The following VDAC2 variants were observed in gnomAD, a reference collection of about 807,000 sequenced individuals.
The protein encoded by VDAC2 is voltage dependent anion channel 2.
In VDAC2, 6 loss-of-function variants were observed where a neutral mutation model predicts 36.6. The ratio of observed to expected loss-of-function variants is 0.16; its 90% confidence interval spans 0.09 to 0.32. VDAC2 has a LOEUF of 0.32. VDAC2 is among the 10% of genes least tolerant of loss of function. VDAC2 has a pLI of 1.00. For missense variants in VDAC2, 247 were observed against 346.0 expected (o/e 0.71, Z 2.27); for synonymous variants, 109 against 123.8 (o/e 0.88, Z 0.79).
Position 75,220,740 on chromosome 10 carries a change from C to T in VDAC2, c.357-3C>T, listed in dbSNP as rs371599807. On this transcript the variant is annotated splice_region_variant and splice_polypyrimidine_tract_variant and intron_variant, in intron 6 of 9. Transcript: ENST00000332211. ...CAATGACATCAGTTTGTTCTTTTTC[C>T]AGAAAGAAAAGTGGTAAAATCAAGT... The T allele has an allele frequency of 8.1e-6, 13 of 1,604,298 alleles. No individual in the cohort carries two copies. The highest frequency in any genetic ancestry group is 1.1e-5 in the South Asian group (1 of 90,034).
At chr10:75,211,023 C>A in intron 1 of VDAC2, 85 bp downstream of exon 1, 1 of 1,063,880 alleles carries the variant, frequency 9.4e-7, no homozygotes, top group Non-Finnish European at 1.3e-6. Context: ...CGGAGTCGGC[C>A]CTGGCTTCCT....
chr10:75,214,130 G>A, intron 4 of VDAC2, 60 bp downstream of exon 4: 3 of 1,537,608 alleles, frequency 2.0e-6, no homozygotes, highest in Non-Finnish European at 2.7e-6. Flanking sequence ...CTTGTAAAAT[G>A]GTCATAACTG....
intron 4 of VDAC2, among the ~76,000 whole-genome samples, chr10:75,215,307 T>C (rs1841565260): frequency 6.6e-6 from 1 of 151,980 alleles, no homozygotes; most frequent in African/African-American, 2.4e-5. Context: ...TAGAATACTA[T>C]AGGTTATTTT....
intron 8 of VDAC2, among the ~76,000 whole-genome samples, chr10:75,227,577 A>ATTTTTTTTTTTTTTTTTTTTTTTTTTT (rs35378957): frequency 1.0e-5 from 1 of 99,928 alleles, no homozygotes; most frequent in African/African-American, 4.5e-5. Context: ...AATAATAGGA[A>ATTTTTTTTTTTTTTTTTTTTTTTTTTT]TTTTTTTTTT....
Position 75,213,167 on chromosome 10 carries a change from C to G in VDAC2, c.101-854C>G, listed in dbSNP as rs1212620221. 2.0e-5 allele frequency among the ~76,000 whole-genome samples: 3 copies of G among 152,220 alleles called. No homozygotes were observed. In the East Asian group the frequency reaches 5.8e-4, roughly 30 times the overall value. Reference sequence around the variant, plus strand: ...GATCTCGGCTCCCTGCAGCCTCTGCCTCCTGGGTTCCAGCAATTCTCCTGC... The same window carrying G: ...GATCTCGGCTCCCTGCAGCCTCTGCGTCCTGGGTTCCAGCAATTCTCCTGC... On this transcript the variant is annotated intron_variant, in intron 3 of 9. Transcript: ENST00000332211.
intron 3 of VDAC2, among the ~76,000 whole-genome samples, chr10:75,213,380 A>T (rs1025560509): frequency 6.6e-6 from 1 of 151,906 alleles, no homozygotes; most frequent in East Asian, 1.9e-4. Flanking sequence ...GCACCTGGCC[A>T]TATCATGATA....
chr10:75,211,134 A>T lies in VDAC2; in HGVS notation c.-25A>T, dbSNP rs770671590. 4.3e-6 allele frequency: 7 copies of T among 1,609,784 alleles called. No homozygotes were observed. The highest frequency in any genetic ancestry group is 5.9e-6 in the Non-Finnish European group (7 of 1,178,086). Reference sequence around the variant, plus strand: ...ACCGCACTTCTTGTCCCTCCCGCAGATTCCCCTCTTCCCGCGGCCTCGCCA... The same window carrying T: ...ACCGCACTTCTTGTCCCTCCCGCAGTTTCCCCTCTTCCCGCGGCCTCGCCA... On this transcript the variant is annotated splice_region_variant and 5_prime_UTR_variant, in exon 2 of 10. Coordinates refer to ENST00000332211, the MANE Select transcript of VDAC2 (RefSeq NM_001391963.1).
In VDAC2 at chr10:75,219,369, AT is replaced by A; in HGVS notation, c.356+18del. ...CACCAAACACAGGGTAAGCACAGACATTTTTATCTGTATTACATTTAAAAGT... is the reference window on the plus strand; with the variant it reads ...CACCAAACACAGGGTAAGCACAGACATTTTATCTGTATTACATTTAAAAGT... On this transcript the variant is annotated intron_variant, in intron 6 of 9. Coordinates refer to ENST00000332211, the MANE Select transcript of VDAC2 (RefSeq NM_001391963.1). 1 of 1,581,236 alleles carries A rather than the reference AT, an allele frequency of 6.3e-7. No individual in the cohort carries two copies. The highest frequency in any genetic ancestry group is 8.6e-7 in the Non-Finnish European group (1 of 1,159,478).
intron 4 of VDAC2, 81 bp downstream of exon 4, chr10:75,214,151 A>G: frequency 6.9e-7 from 1 of 1,439,934 alleles, no homozygotes; most frequent in Non-Finnish European, 9.7e-7. Context: ...AAAGATGTCT[A>G]CCTGTTTTGT....
chr10:75,215,603 C>T (rs983588387), intron 4 of VDAC2, among the ~76,000 whole-genome samples: 2 of 151,090 alleles, frequency 1.3e-5, no homozygotes, highest in African/African-American at 2.4e-5. Context: ...CTGCCCACCT[C>T]GGGCTCCCAA....
chr10:75,217,550 G>A (rs1313658129), intron 4 of VDAC2, among the ~76,000 whole-genome samples: 3 of 152,026 alleles, frequency 2.0e-5, no homozygotes, highest in Admixed American at 6.6e-5. Context: ...GCTAATTTTT[G>A]TATGTTTAGT....
At chr10:75,224,568 A>G (rs1841903075) in intron 8 of VDAC2, among the ~76,000 whole-genome samples, 1 of 152,218 alleles carries the variant, frequency 6.6e-6, no homozygotes, top group Non-Finnish European at 1.5e-5. Context: ...AGATAGATCC[A>G]ACTCCAAGGG....
At chr10:75,214,099 T>G in intron 4 of VDAC2, 29 bp downstream of exon 4, 1 of 1,606,978 alleles carries the variant, frequency 6.2e-7, no homozygotes, top group South Asian at 1.1e-5. Context: ...TAAGTTCTAT[T>G]GAACCTTTAT....
At chr10:75,228,863 T>G (rs1842031193) in intron 8 of VDAC2, among the ~76,000 whole-genome samples, 1 of 152,196 alleles carries the variant, frequency 6.6e-6, no homozygotes, top group Admixed American at 6.5e-5. Context: ...CTGGTGTGTC[T>G]TCATAATGTT....
intron 3 of VDAC2, 126 bp from the exon 4 acceptor site, chr10:75,213,895 A>T: frequency 2.2e-6 from 2 of 891,346 alleles, no homozygotes; most frequent in Non-Finnish European, 1.8e-6. Context: ...AATATTGTAT[A>T]TTAACACATT....
intron 8 of VDAC2, 114 bp from the exon 9 acceptor site, chr10:75,229,530 A>T: frequency 1.3e-6 from 1 of 756,460 alleles, no homozygotes; most frequent in Non-Finnish European, 2.1e-6. Context: ...ATTGAATTTT[A>T]TTGTCTCACG....
At chr10:75,223,105 T>C (rs1259497) in intron 8 of VDAC2, among the ~76,000 whole-genome samples, 86,141 of 151,550 alleles carry the variant, frequency 0.57, 26,052 homozygotes, top group East Asian at 0.92. Flanking sequence ...CTCAGCCTCC[T>C]GAGTAGCTGA....
At chr10:75,219,892 A>ACC (rs1841752236) in intron 6 of VDAC2, among the ~76,000 whole-genome samples, 1 of 149,406 alleles carries the variant, frequency 6.7e-6, no homozygotes, top group Non-Finnish European at 1.5e-5. Flanking sequence ...CAGTGGCGCG[A>ACC]TCTCGGCTCA....
At chr10:75,226,623 C>T (rs939603168) in intron 8 of VDAC2, among the ~76,000 whole-genome samples, 2 of 151,702 alleles carry the variant, frequency 1.3e-5, no homozygotes, top group African/African-American at 2.4e-5. Flanking sequence ...CCACCAAGCC[C>T]GACTAATTTT....
Sources: allele counts gnomAD v4.1 joint callset (sites outside exome capture counted in the v4.1 genomes callset), GRCh38; gene constraint gnomAD v4.1.1; transcripts MANE v1.5; gene names NCBI Gene and HGNC (gene_info 2026-07-23, HGNC 2026-07-21).